TAS2R1: variants seen among roughly 807,000 people sequenced by gnomAD.
TAS2R1 encodes the protein taste receptor type 2 member 1.
For missense variants in TAS2R1, 370 were observed against 353.4 expected (o/e 1.05, Z -0.38); for synonymous variants, 141 against 134.2 (o/e 1.05, Z -0.35).
At chr5:9,666,069 G>T (rs1189998446) in intron 1 of TAS2R1, among the ~76,000 whole-genome samples, 2 of 152,084 alleles carry the variant, frequency 1.3e-5, no homozygotes, top group Non-Finnish European at 2.9e-5. Context: ...TATATAACAA[G>T]AACTTCATGA....
the TAS2R1 span, among the ~76,000 whole-genome samples, chr5:9,826,579 A>C: frequency 1.3e-5 from 2 of 152,346 alleles, no homozygotes; most frequent in South Asian, 4.1e-4. Flanking sequence ...ATTAATTAGT[A>C]AATTTTCCAC....
chr5:9,758,099 T>A, the TAS2R1 span, among the ~76,000 whole-genome samples: 1 of 152,178 alleles, frequency 6.6e-6, no homozygotes, highest in African/African-American at 2.4e-5. Context: ...GTATAGCACA[T>A]TTTTAAAAGT....
chr5:9,745,933 A>G, the TAS2R1 span, among the ~76,000 whole-genome samples: 1 of 152,218 alleles, frequency 6.6e-6, no homozygotes, highest in Non-Finnish European at 1.5e-5. Context: ...TAATCAAACT[A>G]AAGAACTTCT....
At chr5:9,684,404 G>A (rs574485783) in intron 1 of TAS2R1, among the ~76,000 whole-genome samples, 2 of 152,140 alleles carry the variant, frequency 1.3e-5, no homozygotes, top group Non-Finnish European at 2.9e-5. Context: ...ATGGTAGCAG[G>A]GAGAAAAGGC....
chr5:9,878,357 G>A, the TAS2R1 span, among the ~76,000 whole-genome samples: 667 of 152,246 alleles, frequency 4.4e-3, 4 homozygotes, highest in African/African-American at 0.015. Context: ...ATAGAGTATA[G>A]TTCCAGGAGG....
chr5:9,818,560 G>T, the TAS2R1 span, among the ~76,000 whole-genome samples: 6 of 152,340 alleles, frequency 3.9e-5, no homozygotes, highest in East Asian at 1.2e-3. Context: ...CTGTGGGCCA[G>T]GGTGATGGGT....
rs138749639 is a variant in TAS2R1 at position 9,680,408 on chromosome 5, A to C, written c.-241-20827T>G. Among the ~76,000 whole-genome samples the C allele has an allele frequency of 4.5e-3, 692 of 152,284 alleles. 2 individuals carry two copies. The highest frequency in any genetic ancestry group is 0.016 in the African/African-American group (674 of 41,550). On this transcript the variant is annotated intron_variant, in intron 1 of 2. Transcript: ENST00000506620. ...TGTGCATAGCAACTATCTTCCAAAA[A>C]CTGCAGTGTCGAAAGGAAGAAAAAA...
intron 1 of TAS2R1, among the ~76,000 whole-genome samples, chr5:9,690,349 A>G (rs550001837): frequency 1.4e-4 from 21 of 152,250 alleles, no homozygotes; most frequent in Non-Finnish European, 2.8e-4. Context: ...TTTAACTAGA[A>G]TATCCATGTC....
At chr5:9,876,900 G>A in the TAS2R1 span, among the ~76,000 whole-genome samples, 3 of 152,298 alleles carry the variant, frequency 2.0e-5, no homozygotes, top group Non-Finnish European at 2.9e-5. Flanking sequence ...TCACGTGTTC[G>A]ATTCCAAAGT....
intron 2 of TAS2R1, among the ~76,000 whole-genome samples, chr5:9,649,673 A>G (rs1180493973): frequency 2.0e-5 from 3 of 152,200 alleles, no homozygotes; most frequent in Non-Finnish European, 4.4e-5. Context: ...GTTCTGGACC[A>G]TGCAAAAATG....
intron 1 of TAS2R1, among the ~76,000 whole-genome samples, chr5:9,676,654 T>C (rs1463884965): frequency 1.3e-5 from 2 of 152,144 alleles, no homozygotes; most frequent in African/African-American, 4.8e-5. Flanking sequence ...ACAAAACTTC[T>C]AGAAGAAAAC....
the TAS2R1 span, among the ~76,000 whole-genome samples, chr5:9,882,545 G>C: frequency 6.6e-6 from 1 of 152,150 alleles, no homozygotes; most frequent in Non-Finnish European, 1.5e-5. Flanking sequence ...AGAATTGCTT[G>C]AACTCCAGAG....
At chr5:9,859,371 T>C in the TAS2R1 span, among the ~76,000 whole-genome samples, 1 of 152,248 alleles carries the variant, frequency 6.6e-6, no homozygotes, top group East Asian at 1.9e-4. Context: ...AGGAACTTTC[T>C]GTGAACCAGG....
At chr5:9,782,180 G>C in the TAS2R1 span, among the ~76,000 whole-genome samples, 2 of 152,232 alleles carry the variant, frequency 1.3e-5, no homozygotes, top group Non-Finnish European at 2.9e-5. Context: ...TCCATGCACA[G>C]GGCAGGCCTG....
At position 9,628,520 on chromosome 5, in the gene TAS2R1, G is replaced by A. The variant is rs778613337; in HGVS notation, c.*613C>T. On this transcript the variant is annotated 3_prime_UTR_variant, in exon 1 of 1. Coordinates refer to ENST00000382492, the MANE Select transcript of TAS2R1 (RefSeq NM_019599.3). Reference sequence around the variant, plus strand: ...TCTAGGCTCTCTGCAGGATGAAGTAGGAGAATATGCTTATAAGGATGGAGA... The same window carrying A: ...TCTAGGCTCTCTGCAGGATGAAGTAAGAGAATATGCTTATAAGGATGGAGA... 3.9e-5 allele frequency among the ~76,000 whole-genome samples: 6 copies of A among 152,152 alleles called. No homozygotes were observed. The highest frequency in any genetic ancestry group is 5.9e-5 in the Non-Finnish European group (4 of 68,024).
the TAS2R1 span, among the ~76,000 whole-genome samples, chr5:9,749,721 A>T: frequency 5.0e-4 from 76 of 152,330 alleles, no homozygotes; most frequent in African/African-American, 1.7e-3. Flanking sequence ...CTTCAAAGAA[A>T]TTGTCTTATA....
the TAS2R1 span, among the ~76,000 whole-genome samples, chr5:9,827,040 C>T: frequency 6.6e-6 from 1 of 152,156 alleles, no homozygotes. Context: ...TATAACTTTA[C>T]CCAGCTCCTG....
chr5:9,725,339 C>G, the TAS2R1 span, among the ~76,000 whole-genome samples: 130 of 152,324 alleles, frequency 8.5e-4, 2 homozygotes, highest in East Asian at 0.018. Context: ...CGGGGCTGCG[C>G]GCGGAGCTTG....
the TAS2R1 span, among the ~76,000 whole-genome samples, chr5:9,780,193 G>A: frequency 6.6e-6 from 1 of 151,954 alleles, no homozygotes; most frequent in Non-Finnish European, 1.5e-5. Context: ...ACAGTTACCT[G>A]ACCTGCAGCT....
Sources: gnomAD v4.1 joint callset for allele counts (sites outside exome capture counted in the v4.1 genomes callset) on GRCh38, gnomAD v4.1.1 for gene constraint, MANE v1.5 for transcripts, NCBI Gene and HGNC (gene_info 2026-07-23, HGNC 2026-07-21) for gene names.